Variants in COL28A1 observed in about 807,000 individuals in gnomAD.
The protein encoded by COL28A1 is collagen type XXVIII alpha 1 chain, also known as collagen alpha-1(XXVIII) chain.
A neutral mutation model predicts 150.2 loss-of-function variants in COL28A1; 161 were observed. The observed-to-expected ratio is 1.07, with a 90% CI of 0.94 to 1.22. COL28A1 has a LOEUF of 1.22. Among genes scored for constraint, COL28A1 ranks in the 50% most tolerant of loss-of-function variants. The pLI is 0.00. For missense variants in COL28A1, 1,617 were observed against 1,388.3 expected (o/e 1.16, Z -2.62); for synonymous variants, 552 against 469.7 (o/e 1.18, Z -2.26).
chr7:7,437,342 C>T lies in COL28A1; in HGVS notation c.1791+52G>A, dbSNP rs1785415389. ...TTCACTGGTATCATGATTTTTTTTT[C>T]TCCAACTGCCAAAGGGTCAAGAAAA... On this transcript the variant is annotated intron_variant, in intron 22 of 34. Transcript: ENST00000399429. The T allele has an allele frequency of 4.5e-6, 7 of 1,544,308 alleles. No individual in the cohort carries two copies. In the Admixed American group the frequency reaches 6.4e-5, roughly 14 times the overall value.
rs558858846 is a variant in COL28A1 at position 7,358,523 on chromosome 7, A to C, written c.*110T>G. ...TAGTGAGAATTCAATTACATGTATA[A>C]GTTGTAAATACTCAGTATACACTCA... On this transcript the variant is annotated 3_prime_UTR_variant, in exon 35 of 35. Coordinates refer to ENST00000399429, the MANE Select transcript of COL28A1 (RefSeq NM_001037763.3). 113 of 957,184 alleles carry C rather than the reference A, an allele frequency of 1.2e-4. No homozygotes were observed. Among genetic ancestry groups the C allele is most frequent in the Non-Finnish European group, 1.6e-4 (100 of 628,196 alleles). 59.3% of individuals were successfully genotyped at this position (957,184 alleles called of 1,614,324 possible).
At chr7:7,345,265 T>A in the COL28A1 span, among the ~76,000 whole-genome samples, 1 of 151,760 alleles carries the variant, frequency 6.6e-6, no homozygotes. Flanking sequence ...AAGTTTCTCA[T>A]GATGGAAGCA....
chr7:7,351,933 T>G (rs547273089), downstream of COL28A1, among the ~76,000 whole-genome samples: 1 of 152,250 alleles, frequency 6.6e-6, no homozygotes, highest in South Asian at 2.1e-4. Flanking sequence ...CTTGTCTCAT[T>G]CTACTCTCTT....
rs534481551 is a variant in COL28A1, at chr7:7,397,572, T to C, written c.2137-15960A>G. On this transcript the variant is annotated intron_variant, in intron 27 of 34. Coordinates refer to ENST00000399429, the MANE Select transcript of COL28A1 (RefSeq NM_001037763.3). The stretch of plus-strand genomic sequence containing the variant: ...ACTTCCATTTAGATCATATCATGAA[T>C]ATGTGTATGTGCAAGTTAACTTAAT... Among the ~76,000 whole-genome samples, 6 of 152,332 alleles carry C rather than the reference T, an allele frequency of 3.9e-5. No individual in the cohort carries two copies. The South Asian group carries it at 1.0e-3, about 26-fold the overall frequency.
chr7:7,361,603 C>A (rs1780657488), intron 33 of COL28A1, among the ~76,000 whole-genome samples: 1 of 152,142 alleles, frequency 6.6e-6, no homozygotes, highest in African/African-American at 2.4e-5. Flanking sequence ...TGATGATAAG[C>A]GTTTTTTCAT....
chr7:7,419,810 T>A, intron 26 of COL28A1, 75 bp downstream of exon 26: 1 of 916,450 alleles, frequency 1.1e-6, no homozygotes, highest in Non-Finnish European at 1.6e-6. Flanking sequence ...CGAACACTTA[T>A]TATGAAGTTA....
In COL28A1 at chr7:7,375,312, C is replaced by T. The variant is rs574972017; in HGVS notation, c.2359+149G>A. 5.9e-3 allele frequency: 3,709 copies of T among 632,334 alleles called. 19 individuals carry two copies. Among genetic ancestry groups the T allele is most frequent in the South Asian group, 0.013 (312 of 23,906 alleles). 39.2% of individuals were successfully genotyped at this position (632,334 alleles called of 1,614,324 possible). A position where few individuals can be genotyped will look rare whatever the true frequency, so the allele number is the denominator to read the frequency against. ...ATTCCCACAGTCTCTCTTACTGCTT[C>T]CTTTCAGTTTCCATCGACTTTTCAA... On this transcript the variant is annotated intron_variant, in intron 31 of 34. Transcript: ENST00000399429.
At chr7:7,376,834 G>A (rs914191957) in intron 30 of COL28A1, among the ~76,000 whole-genome samples, 1 of 151,938 alleles carries the variant, frequency 6.6e-6, no homozygotes, top group South Asian at 2.1e-4. Flanking sequence ...TTGAATGTGC[G>A]GCCATTTAAA....
At chr7:7,348,095 T>C in the COL28A1 span, among the ~76,000 whole-genome samples, 5 of 152,196 alleles carry the variant, frequency 3.3e-5, no homozygotes, top group Middle Eastern at 3.4e-3. Context: ...TGAGGTCTAA[T>C]TGACAGGACT....
intron 13 of COL28A1, among the ~76,000 whole-genome samples, chr7:7,486,557 AT>A (rs1049970553): frequency 3.9e-5 from 6 of 152,140 alleles, no homozygotes; most frequent in African/African-American, 1.4e-4. Context: ...ATTACGCATA[AT>A]GTTAGCTCTA....
At chr7:7,426,467 G>A (rs958103256) in intron 25 of COL28A1, among the ~76,000 whole-genome samples, 1 of 152,078 alleles carries the variant, frequency 6.6e-6, no homozygotes, top group Non-Finnish European at 1.5e-5. Context: ...ATTGATTATT[G>A]AATGACCGTT....
At chr7:7,528,091 G>C (rs1385869457) in intron 3 of COL28A1, among the ~76,000 whole-genome samples, 1 of 152,080 alleles carries the variant, frequency 6.6e-6, no homozygotes, top group African/African-American at 2.4e-5. Flanking sequence ...ATCTCTTCTT[G>C]GTATGTGAGG....
intron 15 of COL28A1, among the ~76,000 whole-genome samples, chr7:7,470,892 A>G (rs1788352714): frequency 7.9e-6 from 1 of 127,362 alleles, no homozygotes; most frequent in African/African-American, 3.3e-5. Flanking sequence ...ATTCTCACTC[A>G]TAGGTGGGAA....
At chr7:7,366,984 G>A (rs1780966060) in intron 33 of COL28A1, among the ~76,000 whole-genome samples, 1 of 152,226 alleles carries the variant, frequency 6.6e-6, no homozygotes, top group Non-Finnish European at 1.5e-5. Context: ...GTGCGCGCGT[G>A]CATGTCTGTG....
chr7:7,368,399 T>G (rs201202276), intron 33 of COL28A1, among the ~76,000 whole-genome samples: 12 of 132,908 alleles, frequency 9.0e-5, no homozygotes, highest in African/African-American at 4.2e-4. Context: ...GTTTTTTTTG[T>G]TTTTTGCTAG....
rs201584912 is a variant in COL28A1 at position 7,466,386 on chromosome 7, A to C, written c.1302+8215T>G. ...GGAAGATGAAATGAATGAAATGAAG[A>C]GAGAAGGGAAGTTTAGAGAAAAAAG... On this transcript the variant is annotated intron_variant, in intron 15 of 34. Coordinates refer to ENST00000399429, the MANE Select transcript of COL28A1 (RefSeq NM_001037763.3). 3.0e-3 allele frequency among the ~76,000 whole-genome samples: 404 copies of C among 135,198 alleles called. 1 individual carries two copies. Among genetic ancestry groups the C allele is most frequent in the East Asian group, 4.3e-3 (19 of 4,452 alleles). 88.7% of individuals were successfully genotyped at this position (135,198 alleles called of 152,430 possible). A position where few individuals can be genotyped will look rare whatever the true frequency, so the allele number is the denominator to read the frequency against.
At position 7,460,731 on chromosome 7, in the gene COL28A1, C is replaced by T. The variant is rs140366669; in HGVS notation, c.1303-4619G>A. Among the ~76,000 whole-genome samples, 708 of 152,290 alleles carry T rather than the reference C, an allele frequency of 4.6e-3. 5 individuals carry two copies. The highest frequency in any genetic ancestry group is 0.022 in the East Asian group (114 of 5,180). ...TTCTTTACTAAGAAGAAATGTCTTTCGATAATGTCTGGATTCAAAGCTGCT... is the reference window on the plus strand; with the variant it reads ...TTCTTTACTAAGAAGAAATGTCTTTTGATAATGTCTGGATTCAAAGCTGCT... On this transcript the variant is annotated intron_variant, in intron 15 of 34. Transcript: ENST00000399429.
At position 7,358,635 on chromosome 7, in the gene COL28A1, A is replaced by G; in HGVS notation, c.3376T>C (p.Ter1126ArgextTer15). 4 of 1,613,784 alleles carry G rather than the reference A, an allele frequency of 2.5e-6. No individual in the cohort carries two copies. The highest frequency in any genetic ancestry group is 3.4e-6 in the Non-Finnish European group (4 of 1,179,846). The change falls in exon 35 of 35, where the codon TGA (stop) becomes CGA (arginine). Residue 1126 changes from the stop codon to arginine, a stop_lost. Transcript: ENST00000399429. ...KECQETCIQG[*>R] ...TAGAGACAGGCCAATTTACTTGCTC[A>G]TCCTTGAATGCAGGTTTCTTGACAT...
chr7:7,403,683 AG>A (rs1481580175), intron 27 of COL28A1, among the ~76,000 whole-genome samples: 1 of 152,220 alleles, frequency 6.6e-6, no homozygotes, highest in Non-Finnish European at 1.5e-5. Context: ...CTAAGGTGAT[AG>A]AAAGGATGGA....
Sources: allele counts gnomAD v4.1 joint callset (sites outside exome capture counted in the v4.1 genomes callset), GRCh38; gene constraint gnomAD v4.1.1; transcripts MANE v1.5; gene names NCBI Gene and HGNC (gene_info 2026-07-23, HGNC 2026-07-21).